SLC35F3: variants seen among roughly 807,000 people sequenced by gnomAD.
The protein encoded by SLC35F3 is putative thiamine transporter SLC35F3.
Under a neutral mutation model 49.9 loss-of-function variants are expected in SLC35F3, and 25 were observed. That is an observed-to-expected ratio of 0.50 (90% CI 0.37 to 0.70). The LOEUF (loss-of-function observed/expected upper bound fraction) is 0.70. Ranked by LOEUF, SLC35F3 falls within the 30% of genes least tolerant of loss-of-function variation. SLC35F3 has a pLI of 0.00. For synonymous variants in SLC35F3, 275 were observed against 265.4 expected (o/e 1.04, Z -0.35); for missense variants, 525 against 639.8 (o/e 0.82, Z 1.94).
intron 2 of SLC35F3, among the ~76,000 whole-genome samples, chr1:234,042,276 G>A (rs1295790278): frequency 7.2e-6 from 1 of 139,644 alleles, no homozygotes; most frequent in East Asian, 1.9e-4. Context: ...ATAGTTATAT[G>A]AGAACACTGA....
intron 2 of SLC35F3, among the ~76,000 whole-genome samples, chr1:233,933,165 T>C (rs935157784): frequency 6.6e-6 from 1 of 152,044 alleles, no homozygotes; most frequent in East Asian, 1.9e-4. Context: ...GGCAGAAGAA[T>C]AGTGAAGCAC....
intron 2 of SLC35F3, among the ~76,000 whole-genome samples, chr1:233,920,614 G>A (rs1662042804): frequency 6.6e-6 from 1 of 152,230 alleles, no homozygotes; most frequent in African/African-American, 2.4e-5. Context: ...CCCCTTGAGT[G>A]TGCGTGGGAC....
intron 2 of SLC35F3, among the ~76,000 whole-genome samples, chr1:234,162,381 CAAAAAAAAAAAAAAAA>C (rs147145054): frequency 3.8e-4 from 22 of 58,568 alleles, no homozygotes; most frequent in Admixed American, 6.2e-4. Flanking sequence ...AGCCTCTGTG[CAAAAAAAAAAAAAAAA>C]AAAAAAAAAA....
chr1:233,950,250 G>C (rs576822338), intron 2 of SLC35F3, among the ~76,000 whole-genome samples: 1 of 151,842 alleles, frequency 6.6e-6, no homozygotes, highest in African/African-American at 2.4e-5. Flanking sequence ...GCCTGGCGTG[G>C]TGGCAGGTGC....
chr1:234,123,715 G>C (rs778329088), intron 2 of SLC35F3, among the ~76,000 whole-genome samples: 7 of 152,082 alleles, frequency 4.6e-5, no homozygotes, highest in Non-Finnish European at 1.0e-4. Flanking sequence ...ACCATGCCCA[G>C]CTGAGCATTG....
At chr1:234,075,682 A>C (rs1306324209) in intron 2 of SLC35F3, among the ~76,000 whole-genome samples, 2 of 152,238 alleles carry the variant, frequency 1.3e-5, no homozygotes, top group African/African-American at 4.8e-5. Flanking sequence ...AATCTGGAGA[A>C]CGTTAAGGAA....
At chr1:234,266,612 G>A (rs1325558310) in intron 3 of SLC35F3, among the ~76,000 whole-genome samples, 2 of 152,198 alleles carry the variant, frequency 1.3e-5, no homozygotes, top group African/African-American at 4.8e-5. Context: ...ATCATATAGT[G>A]TACTTACACA....
intron 3 of SLC35F3, among the ~76,000 whole-genome samples, chr1:234,283,188 C>T (rs1024675122): frequency 2.0e-4 from 30 of 152,160 alleles, no homozygotes; most frequent in African/African-American, 6.8e-4. Flanking sequence ...TGCAGGGCCC[C>T]GAAACACACT....
intron 2 of SLC35F3, among the ~76,000 whole-genome samples, chr1:234,010,433 A>G (rs1411949635): frequency 6.6e-6 from 1 of 152,246 alleles, no homozygotes; most frequent in Non-Finnish European, 1.5e-5. Context: ...AAAATGAAGC[A>G]AAGTATCTAC....
intron 2 of SLC35F3, among the ~76,000 whole-genome samples, chr1:234,090,035 T>C (rs1246094592): frequency 3.3e-5 from 5 of 152,260 alleles, no homozygotes; most frequent in Non-Finnish European, 7.3e-5. Context: ...TCAAATCTTG[T>C]TTGAAGAGCC....
At position 234,250,470 on chromosome 1, in the gene SLC35F3, C is replaced by A. The variant is rs888637634; in HGVS notation, c.608+18729C>A. Among the ~76,000 whole-genome samples the A allele has an allele frequency of 5.9e-5, 9 of 151,798 alleles. No individual in the cohort carries two copies. The South Asian group carries it at 1.9e-3, about 32-fold the overall frequency. On this transcript the variant is annotated intron_variant, in intron 3 of 7. Transcript: ENST00000366618. ...GAGATCGAGACCATCCCGGCTAAAA[C>A]GGTGAAACCCCGTCTCTACTAAAAA... is the stretch of plus-strand genomic sequence containing the variant.
intron 2 of SLC35F3, among the ~76,000 whole-genome samples, chr1:234,227,222 G>A (rs1286577484): frequency 6.6e-6 from 1 of 152,144 alleles, no homozygotes; most frequent in Non-Finnish European, 1.5e-5. Flanking sequence ...TAAGGCACAA[G>A]ATGATCATAA....
At position 233,905,416 on chromosome 1, in the gene SLC35F3, A is replaced by G. The variant is rs1661757182; in HGVS notation, c.54-113A>G. 3.6e-6 allele frequency: 3 copies of G among 831,850 alleles called. No individual in the cohort carries two copies. The Admixed American group carries it at 8.2e-5, about 23-fold the overall frequency. The allele number at this position is 831,850 out of a possible 1,614,324, so 51.5% of individuals were successfully genotyped here. On this transcript the variant is annotated intron_variant, in intron 1 of 7. Transcript: ENST00000366618. ...GCTCTGCCGCGGCGCTCGCCCCCGG[A>G]GGGCCCCGGCCGCGCTCTTGCTCTC...
intron 3 of SLC35F3, among the ~76,000 whole-genome samples, chr1:234,298,339 C>T (rs904337491): frequency 9.2e-5 from 14 of 152,088 alleles, no homozygotes; most frequent in Admixed American, 9.2e-4. Flanking sequence ...CCAGATCTTC[C>T]CCCATATTTA....
Position 234,167,224 on chromosome 1 carries a change from C to T in SLC35F3, c.284-64193C>T, listed in dbSNP as rs76986223. 7.7e-3 allele frequency among the ~76,000 whole-genome samples: 1,166 copies of T among 152,326 alleles called. 21 individuals carry two copies. Among genetic ancestry groups the T allele is most frequent in the African/African-American group, 0.025 (1,052 of 41,562 alleles). On this transcript the variant is annotated intron_variant, in intron 2 of 7. Coordinates refer to ENST00000366618, the MANE Select transcript of SLC35F3 (RefSeq NM_173508.4). ...CAGAATTGGGATGAAAATAAGAGCT[C>T]ACATTTTTAGAGCCACCTTTCTATG...
chr1:233,911,551 A>G (rs192794833), intron 2 of SLC35F3, among the ~76,000 whole-genome samples: 2 of 152,290 alleles, frequency 1.3e-5, no homozygotes, highest in Non-Finnish European at 2.9e-5. Flanking sequence ...ATGCAGAACT[A>G]TTATCTTTTA....
intron 2 of SLC35F3, among the ~76,000 whole-genome samples, chr1:234,120,673 A>C (rs560834473): frequency 6.6e-6 from 1 of 152,350 alleles, no homozygotes; most frequent in Non-Finnish European, 1.5e-5. Flanking sequence ...CAAGAGCGTG[A>C]AGCTCAAGAC....
intron 2 of SLC35F3, among the ~76,000 whole-genome samples, chr1:234,016,807 C>T (rs1663808414): frequency 6.6e-6 from 1 of 152,148 alleles, no homozygotes; most frequent in African/African-American, 2.4e-5. Flanking sequence ...GTCTGTGGTA[C>T]AAAGAATTTA....
intron 2 of SLC35F3, among the ~76,000 whole-genome samples, chr1:234,171,459 G>C (rs559453194): frequency 1.3e-5 from 2 of 152,174 alleles, no homozygotes; most frequent in Non-Finnish European, 2.9e-5. Context: ...TTACACAGAG[G>C]GGGGTGTCTG....
Sources: gnomAD v4.1 joint callset for allele counts (sites outside exome capture counted in the v4.1 genomes callset) on GRCh38, gnomAD v4.1.1 for gene constraint, MANE v1.5 for transcripts, NCBI Gene and HGNC (gene_info 2026-07-23, HGNC 2026-07-21) for gene names.